Variants in TUB observed in about 807,000 individuals in gnomAD.
TUB encodes TUB bipartite transcription factor.
A neutral mutation model predicts 59.7 loss-of-function variants in TUB; 33 were observed. That is an observed-to-expected ratio of 0.55 (90% confidence interval 0.42 to 0.74). The LOEUF is 0.74. Among genes scored for constraint, TUB ranks in the 30% least tolerant of loss-of-function variants. The probability of loss-of-function intolerance (pLI) is 0.00; values close to 1 mark genes in which losing one functional copy is unlikely to be tolerated. For synonymous variants in TUB, 293 were observed against 256.4 expected (o/e 1.14, Z -1.36); for missense variants, 659 against 672.0 (o/e 0.98, Z 0.21).
intron 1 of TUB, among the ~76,000 whole-genome samples, chr11:8,025,015 G>A (rs1942481247): frequency 6.6e-6 from 1 of 152,210 alleles, no homozygotes; most frequent in African/African-American, 2.4e-5. Context: ...ACGTCTTAAG[G>A]TGGGTCCATT....
chr11:8,078,105 T>G (rs117915089), upstream of TUB, among the ~76,000 whole-genome samples: 1 of 152,150 alleles, frequency 6.6e-6, no homozygotes, highest in Non-Finnish European at 1.5e-5. Flanking sequence ...GCTAACCTTC[T>G]TCCCTGGGTG....
chr11:8,083,693 A>T (rs940676194), intron 1 of TUB, among the ~76,000 whole-genome samples: 8 of 151,096 alleles, frequency 5.3e-5, no homozygotes, highest in African/African-American at 1.9e-4. Flanking sequence ...CCTGGCCCCG[A>T]GGAGCGTCTC....
rs576217533 is a variant in TUB, at chr11:8,072,196, A to AGCCCCACC, written c.204-17413_204-17406dup. 3.6e-3 allele frequency among the ~76,000 whole-genome samples: 552 copies of AGCCCCACC among 152,234 alleles called. 3 individuals are homozygous for AGCCCCACC. Among genetic ancestry groups the AGCCCCACC allele is most frequent in the African/African-American group, 0.013 (533 of 41,556 alleles). On this transcript the variant is annotated intron_variant, in intron 2 of 12. Transcript: ENST00000305253. Reference sequence around the variant, plus strand: ...GAGGCAGAGGCGGGTACTGCCCCACAGCCCCACCACCCCTGGGCGTGATCT... The same window carrying AGCCCCACC: ...GAGGCAGAGGCGGGTACTGCCCCACAGCCCCACCGCCCCACCACCCCTGGGCGTGATCT...
In TUB at chr11:8,096,758, A is replaced by T; in HGVS notation, c.639A>T (p.Leu213=). 6.2e-7 allele frequency: 1 copy of T among 1,614,130 alleles called. No homozygotes were observed. The highest frequency in any genetic ancestry group is 1.3e-5 in the African/African-American group (1 of 75,046). ...EEENSSSSSQ[L]NSNTRPSSAT... is the part of the protein sequence containing the mutation. ...AGAATAGCTCCAGCTCCTCCCAGCTAAATAGTAACACCCGCCCCAGCTCTG... is the reference window on the plus strand; with the variant it reads ...AGAATAGCTCCAGCTCCTCCCAGCTTAATAGTAACACCCGCCCCAGCTCTG... Residue 213 remains leucine (L), a synonymous_variant, in exon 6 of 12, where the codon CTA becomes CTT. Coordinates refer to ENST00000299506, the MANE Select transcript of TUB (RefSeq NM_177972.3).
At position 8,101,622 on chromosome 11, in the gene TUB, G is replaced by T. The variant is rs749040760; in HGVS notation, c.*3G>T. 1.9e-6 allele frequency: 3 copies of T among 1,614,116 alleles called. No homozygotes were observed. The highest frequency in any genetic ancestry group is 1.7e-6 in the Non-Finnish European group (2 of 1,179,970). ...ACAGCAAGCTGGCGTGCGAGTAGAG[G>T]CCTCTTCGTGCCCTTTGGGGTTGCC... On this transcript the variant is annotated 3_prime_UTR_variant, in exon 12 of 12. Coordinates refer to ENST00000299506, the MANE Select transcript of TUB (RefSeq NM_177972.3).
chr11:8,090,328 T>A, intron 3 of TUB, 97 bp downstream of exon 3: 1 of 1,478,916 alleles, frequency 6.8e-7, no homozygotes, highest in Non-Finnish European at 9.1e-7. Flanking sequence ...TGACGGGGGA[T>A]GCCCAGGCTG....
At chr11:8,070,232 AAAAC>A (rs1943335569) in intron 2 of TUB, among the ~76,000 whole-genome samples, 2 of 152,216 alleles carry the variant, frequency 1.3e-5, no homozygotes, top group African/African-American at 4.8e-5. Context: ...GACTGTCTTT[AAAAC>A]AGTCTTCCTA....
rs2242503 is a variant in TUB, at chr11:8,096,925, T to G, written c.687+119T>G. The G allele has an allele frequency of 1.0e-4, 121 of 1,196,664 alleles. 4 individuals carry two copies. The South Asian group carries it at 1.6e-3, about 15-fold the overall frequency. 74.1% of individuals were successfully genotyped at this position (1,196,664 alleles called of 1,614,324 possible). Reference sequence around the variant, plus strand: ...TAGGAGCTTCTCTGCTGGCCTCTTATGTCCCTCTACCTTGCCTCCTAACCT... The same window carrying G: ...TAGGAGCTTCTCTGCTGGCCTCTTAGGTCCCTCTACCTTGCCTCCTAACCT... On this transcript the variant is annotated intron_variant, in intron 6 of 11. Transcript: ENST00000299506.
chr11:8,068,928 T>G (rs1943302216), intron 2 of TUB: 1 of 152,164 alleles, frequency 6.6e-6, no homozygotes, highest in South Asian at 2.1e-4. Context: ...ACGAGGTCAC[T>G]CCGCGATTTG....
Position 8,081,525 on chromosome 11 carries a change from G to T in TUB, c.15G>T (p.Pro5=), listed in dbSNP as rs1404144609. Residue 5 remains proline (P), a synonymous_variant, in exon 1 of 12, where the codon CCG becomes CCT. Coordinates refer to ENST00000299506, the MANE Select transcript of TUB (RefSeq NM_177972.3). MTSK[P]HSDWIPYSVL... is the part of the protein sequence containing the mutation. Reference sequence around the variant, plus strand: ...CCCCGAGAGACATGACTTCCAAGCCGCATTCCGACTGGATTCCCTACAGGT... The same window carrying T: ...CCCCGAGAGACATGACTTCCAAGCCTCATTCCGACTGGATTCCCTACAGGT... 1.9e-6 allele frequency: 3 copies of T among 1,550,564 alleles called. No homozygotes were observed. Among genetic ancestry groups the T allele is most frequent in the Non-Finnish European group, 1.7e-6 (2 of 1,154,322 alleles).
chr11:8,078,615 A>G (rs1943488793), upstream of TUB, among the ~76,000 whole-genome samples: 1 of 152,146 alleles, frequency 6.6e-6, no homozygotes, highest in Non-Finnish European at 1.5e-5. Flanking sequence ...CATGCACTCC[A>G]TAGAACTCGA....
upstream of TUB, among the ~76,000 whole-genome samples, chr11:8,078,527 C>T (rs769722838): frequency 2.6e-5 from 4 of 151,962 alleles, no homozygotes; most frequent in African/African-American, 7.3e-5. Flanking sequence ...AAGCCAAGGA[C>T]GTAAACTTAA....
At chr11:8,083,378 G>A (rs1049147907) in intron 1 of TUB, among the ~76,000 whole-genome samples, 2 of 152,202 alleles carry the variant, frequency 1.3e-5, no homozygotes, top group Non-Finnish European at 2.9e-5. Flanking sequence ...GTTCTAGAAA[G>A]CTTCTCCCAG....
chr11:8,101,838 G>GTGTTAA lies in TUB; in HGVS notation c.*219_*220insTGTTAA. The GTGTTAA allele has an allele frequency of 2.0e-6, 1 of 507,040 alleles. No individual in the cohort carries two copies. Among genetic ancestry groups the GTGTTAA allele is most frequent in the Non-Finnish European group, 3.0e-6 (1 of 332,768 alleles). 31.4% of individuals were successfully genotyped at this position (507,040 alleles called of 1,614,324 possible). On this transcript the variant is annotated 3_prime_UTR_variant, in exon 12 of 12. Transcript: ENST00000299506. ...AGCGGGTGGGTGGGTGTGAAGGGAT[G>GTGTTAA]AGAATAATTCTTTCCATGCCACGAG...
chr11:8,090,102 C>T lies in TUB; in HGVS notation c.124C>T (p.Arg42Cys), dbSNP rs772509519. The T allele has an allele frequency of 5.0e-6, 8 of 1,612,038 alleles. No homozygotes were observed. The highest frequency in any genetic ancestry group is 3.3e-5 in the Admixed American group (2 of 59,766). ...GCTGGAGCAGAAGCAGAAGAAGAAG[C>T]GCCAGGAGCCCCTGATGGTGCAGGC... ...ALLEQKQKKK[R>C]QEPLMVQANA... is the part of the protein sequence containing the mutation. Residue 42 changes from arginine (R) to cysteine (C), a missense_variant, in exon 3 of 12, where the codon CGC (arginine) becomes TGC (cysteine). Arg to Cys is a radical substitution (Grantham distance 180). This residue lies in a region of TUB where 321 missense variants were observed against 304.3 expected (regional missense o/e 1.05). Coordinates refer to ENST00000299506, the MANE Select transcript of TUB (RefSeq NM_177972.3).
chr11:8,091,261 C>G (rs1168787221), intron 3 of TUB, among the ~76,000 whole-genome samples: 2 of 152,190 alleles, frequency 1.3e-5, no homozygotes, highest in African/African-American at 4.8e-5. Flanking sequence ...CATTGGAGGG[C>G]AGCAGGTGGG....
chr11:8,078,207 T>C (rs1424613123), upstream of TUB, among the ~76,000 whole-genome samples: 1 of 152,094 alleles, frequency 6.6e-6, no homozygotes, highest in African/African-American at 2.4e-5. Flanking sequence ...TCACTCCCCA[T>C]GCATTCCTTC....
In TUB at chr11:8,105,529, T is replaced by G. The variant is rs1166674745; in HGVS notation, c.*3910T>G. Reference sequence around the variant, plus strand: ...TTTTCCAACCAAGTGGAAAGGCAAGTTGGTCTTATAGAAAGCACTACTGCA... The same window carrying G: ...TTTTCCAACCAAGTGGAAAGGCAAGGTGGTCTTATAGAAAGCACTACTGCA... On this transcript the variant is annotated 3_prime_UTR_variant, in exon 12 of 12. Coordinates refer to ENST00000299506, the MANE Select transcript of TUB (RefSeq NM_177972.3). 1 of 152,204 alleles carries G rather than the reference T, an allele frequency of 6.6e-6. No homozygotes were observed. Among genetic ancestry groups the G allele is most frequent in the Non-Finnish European group, 1.5e-5 (1 of 68,038 alleles). The allele number at this position is 152,204 out of a possible 1,614,324, so 9.4% of individuals were successfully genotyped here.
chr11:8,028,678 T>C lies in TUB; in HGVS notation c.56+9320T>C, dbSNP rs537804862. On this transcript the variant is annotated intron_variant, in intron 1 of 11. Coordinates refer to the TUB transcript ENST00000534099. The stretch of plus-strand genomic sequence containing the variant: ...TGTCTCAGCACTATTTGTTTCTACT[T>C]TTTCTCTCACTGAATGGACTTGGCA... Among the ~76,000 whole-genome samples, 9 of 152,308 alleles carry C rather than the reference T, an allele frequency of 5.9e-5. No individual in the cohort carries two copies. In the East Asian group the frequency reaches 1.7e-3, roughly 29 times the overall value.
Sources: gnomAD v4.1 joint callset for allele counts (sites outside exome capture counted in the v4.1 genomes callset) on GRCh38, gnomAD v4.1.1 for gene constraint, gnomAD v4.1.1 regional missense constraint, MANE v1.5 for transcripts, NCBI Gene and HGNC (gene_info 2026-07-23, HGNC 2026-07-21) for gene names.